DENND1A: variants seen among roughly 807,000 people sequenced by gnomAD.
DENND1A encodes DENN domain-containing protein 1A.
Under a neutral mutation model 113.7 loss-of-function variants are expected in DENND1A, and 51 were observed. The ratio of observed to expected loss-of-function variants is 0.45; its 90% CI spans 0.36 to 0.57. The LOEUF (loss-of-function observed/expected upper bound fraction) is 0.57. DENND1A is among the 20% of genes least tolerant of loss of function. The probability of loss-of-function intolerance (pLI) is 0.00; values close to 1 mark genes in which losing one functional copy is unlikely to be tolerated. For missense variants in DENND1A, 1,258 were observed against 1,395.9 expected (o/e 0.90, Z 1.57); for synonymous variants, 565 against 570.8 (o/e 0.99, Z 0.14).
chr9:123,784,870 T>C (rs917523963), intron 3 of DENND1A, among the ~76,000 whole-genome samples: 4 of 152,178 alleles, frequency 2.6e-5, no homozygotes, highest in African/African-American at 9.6e-5. Flanking sequence ...AATCTTCAAC[T>C]TAAAAGAAGA....
At chr9:123,893,653 A>G (rs1850267269) in intron 1 of DENND1A, among the ~76,000 whole-genome samples, 1 of 152,198 alleles carries the variant, frequency 6.6e-6, no homozygotes, top group Admixed American at 6.5e-5. Flanking sequence ...CTTTACCCAC[A>G]TGACATACTG....
chr9:123,590,753 A>C (rs1442269637), intron 11 of DENND1A, among the ~76,000 whole-genome samples: 1 of 152,216 alleles, frequency 6.6e-6, no homozygotes, highest in African/African-American at 2.4e-5. Flanking sequence ...TACCCCAATG[A>C]AGGTATTCAT....
intron 13 of DENND1A, among the ~76,000 whole-genome samples, chr9:123,486,115 G>T (rs1429492184): frequency 1.3e-5 from 2 of 152,140 alleles, no homozygotes; most frequent in African/African-American, 2.4e-5. Flanking sequence ...CAGTTCTGTG[G>T]CTTTGGCCAA....
chr9:123,611,192 T>G (rs766763212), intron 10 of DENND1A, among the ~76,000 whole-genome samples: 1 of 152,288 alleles, frequency 6.6e-6, no homozygotes, highest in Non-Finnish European at 1.5e-5. Flanking sequence ...TCTTCTTCTT[T>G]TTTTTAGGTA....
At position 123,929,954 on chromosome 9, in the gene DENND1A, T is replaced by C. The variant is rs999480570; in HGVS notation, c.-49A>G. ...CCGCGGGCCCCGCTCGGCGCTGCGC[T>C]GCCCGCCCGCCCGCGGCCGACCGGC... On this transcript the variant is annotated 5_prime_UTR_variant, in exon 1 of 24. Transcript: ENST00000394215. The C allele has an allele frequency of 7.0e-6, 2 of 285,028 alleles. No individual in the cohort carries two copies. The highest frequency in any genetic ancestry group is 2.3e-5 in the African/African-American group (1 of 43,108). The allele number at this position is 285,028 out of a possible 1,614,324, so 17.7% of individuals were successfully genotyped here.
chr9:123,555,442 C>T (rs2057363903), intron 13 of DENND1A, among the ~76,000 whole-genome samples: 1 of 152,208 alleles, frequency 6.6e-6, no homozygotes, highest in African/African-American at 2.4e-5. Context: ...AAGAAAATGG[C>T]GCACTCACTG....
At position 123,633,713 on chromosome 9, in the gene DENND1A, T is replaced by C. The variant is rs1057365695; in HGVS notation, c.619-3237A>G. On this transcript the variant is annotated intron_variant, in intron 9 of 23. Transcript: ENST00000394215. The stretch of plus-strand genomic sequence containing the variant: ...ATTGCTTGAACCCAGGAGGCAGAGG[T>C]TGCAGTGGGCTGAGATCACACCACT... 2.0e-5 allele frequency among the ~76,000 whole-genome samples: 3 copies of C among 152,050 alleles called. No individual in the cohort carries two copies. In the East Asian group the frequency reaches 5.8e-4, roughly 29 times the overall value.
intron 5 of DENND1A, among the ~76,000 whole-genome samples, chr9:123,697,635 G>A (rs1466233024): frequency 1.3e-5 from 2 of 152,032 alleles, no homozygotes; most frequent in Non-Finnish European, 2.9e-5. Flanking sequence ...AGAACATACG[G>A]TGTTTGGTTT....
At chr9:123,619,775 T>TA (rs2138158726) in intron 10 of DENND1A, among the ~76,000 whole-genome samples, 1 of 152,190 alleles carries the variant, frequency 6.6e-6, no homozygotes, top group Non-Finnish European at 1.5e-5. Flanking sequence ...AATTTCAACT[T>TA]AAAAAATGTA....
At chr9:123,915,960 T>C (rs77632518) in intron 1 of DENND1A, among the ~76,000 whole-genome samples, 5,828 of 152,242 alleles carry the variant, frequency 0.038, 145 homozygotes, top group Middle Eastern at 0.048. Context: ...ACAATCTCTA[T>C]GGAGGAGAAT....
chr9:123,614,606 T>C (rs1484668074), intron 10 of DENND1A, among the ~76,000 whole-genome samples: 1 of 147,354 alleles, frequency 6.8e-6, no homozygotes. Context: ...AAAAAAAAAA[T>C]ACAGCTTCCC....
chr9:123,780,882 G>T (rs1051724370), intron 3 of DENND1A, among the ~76,000 whole-genome samples: 2 of 152,142 alleles, frequency 1.3e-5, no homozygotes, highest in African/African-American at 4.8e-5. Flanking sequence ...GGTCTTGCTA[G>T]AAGTGTTACA....
chr9:123,495,611 A>T (rs974414385), intron 13 of DENND1A, among the ~76,000 whole-genome samples: 3 of 152,224 alleles, frequency 2.0e-5, no homozygotes, highest in Non-Finnish European at 4.4e-5. Context: ...ACCGATCAAT[A>T]TGAAGCAAGT....
At chr9:123,886,182 G>GT (rs1231659181) in intron 1 of DENND1A, among the ~76,000 whole-genome samples, 8 of 151,148 alleles carry the variant, frequency 5.3e-5, no homozygotes, top group African/African-American at 1.7e-4. Context: ...GGCGTTTTTT[G>GT]TTTTGTTTTT....
At chr9:123,534,543 A>C (rs1315290689) in intron 13 of DENND1A, among the ~76,000 whole-genome samples, 1 of 152,214 alleles carries the variant, frequency 6.6e-6, no homozygotes, top group Non-Finnish European at 1.5e-5. Flanking sequence ...CAACTTTATA[A>C]GATAATGCCA....
intron 9 of DENND1A, among the ~76,000 whole-genome samples, chr9:123,633,921 T>TATAA (rs1272016196): frequency 1.3e-5 from 2 of 152,192 alleles, no homozygotes; most frequent in South Asian, 4.1e-4. Flanking sequence ...CTCCACAACA[T>TATAA]ATAAATAAAT....
In DENND1A at chr9:123,767,212, A is replaced by G. The variant is rs539896234; in HGVS notation, c.182+2302T>C. Among the ~76,000 whole-genome samples, 454 of 152,324 alleles carry G rather than the reference A, an allele frequency of 3.0e-3. 3 individuals carry two copies. The highest frequency in any genetic ancestry group is 0.01 in the African/African-American group (435 of 41,584). On this transcript the variant is annotated intron_variant, in intron 4 of 23. Transcript: ENST00000394215. Reference sequence around the variant, plus strand: ...TCATTATTATTATCTCTTCTGTATTAAAGTATACCAAGGTTAGAGGTGGGG... The same window carrying G: ...TCATTATTATTATCTCTTCTGTATTGAAGTATACCAAGGTTAGAGGTGGGG...
intron 3 of DENND1A, 69 bp downstream of exon 3, chr9:123,792,518 C>T (rs1320086519): frequency 4.7e-6 from 7 of 1,483,308 alleles, no homozygotes; most frequent in Non-Finnish European, 6.5e-6. Context: ...GTAAAAAGAA[C>T]AGTAATAATA....
intron 2 of DENND1A, among the ~76,000 whole-genome samples, chr9:123,803,186 G>T (rs559448551): frequency 6.6e-6 from 1 of 152,156 alleles, no homozygotes; most frequent in East Asian, 1.9e-4. Context: ...GCTAACAGGG[G>T]GTCCATTTTC....
Sources: gnomAD v4.1 joint callset for allele counts (sites outside exome capture counted in the v4.1 genomes callset) on GRCh38, gnomAD v4.1.1 for gene constraint, MANE v1.5 for transcripts, NCBI Gene and HGNC (gene_info 2026-07-23, HGNC 2026-07-21) for gene names.